Variants in STAMBP observed in about 807,000 individuals in gnomAD.
STAMBP encodes the protein STAM binding protein, also known as STAM-binding protein.
Under a neutral mutation model 50.7 loss-of-function variants are expected in STAMBP, and 31 were observed. The observed-to-expected ratio is 0.61, with a 90% CI of 0.46 to 0.83. The LOEUF (loss-of-function observed/expected upper bound fraction) is 0.83, where lower values mean the gene tolerates loss of function less well. STAMBP is among the 40% of genes least tolerant of loss of function. The pLI is 0.00. For missense variants in STAMBP, 472 were observed against 518.9 expected (o/e 0.91, Z 0.88); for synonymous variants, 211 against 192.4 (o/e 1.10, Z -0.80).
At position 73,862,342 on chromosome 2, in the gene STAMBP, TTGG is replaced by T; in HGVS notation, c.*84_*86del. 7.7e-7 allele frequency: 1 copy of T among 1,301,608 alleles called. No individual in the cohort carries two copies. Among genetic ancestry groups the T allele is most frequent in the Non-Finnish European group, 1.0e-6 (1 of 954,810 alleles). The allele number at this position is 1,301,608 out of a possible 1,614,324, so 80.6% of individuals were successfully genotyped here. A position where few individuals can be genotyped will look rare whatever the true frequency, so the allele number is the denominator to read the frequency against. ...CTTAATTTAAGCTTTCTAGAAAGCT[TTGG>T]AAGTTTTTGTAGATAGTAGAAAGGG... On this transcript the variant is annotated 3_prime_UTR_variant, in exon 10 of 10. Coordinates refer to ENST00000394070, the MANE Select transcript of STAMBP (RefSeq NM_213622.4).
chr2:73,858,407 G>T (rs1442364688), intron 7 of STAMBP, among the ~76,000 whole-genome samples: 1 of 151,972 alleles, frequency 6.6e-6, no homozygotes, highest in African/African-American at 2.4e-5. Context: ...CCAAAGTGCT[G>T]GGGGTTACGG....
intron 4 of STAMBP, among the ~76,000 whole-genome samples, chr2:73,846,382 C>T (rs1676056034): frequency 6.6e-6 from 1 of 151,904 alleles, no homozygotes; most frequent in African/African-American, 2.4e-5. Flanking sequence ...TGGGTGATCG[C>T]TTGAGCCCAG....
At chr2:73,849,001 AT>A (rs1458317527) in intron 5 of STAMBP, among the ~76,000 whole-genome samples, 2 of 152,214 alleles carry the variant, frequency 1.3e-5, no homozygotes, top group African/African-American at 4.8e-5. Context: ...ATCATGGAGA[AT>A]AGGGTATCCA....
In STAMBP at chr2:73,831,042, C is replaced by G. The variant is rs146522134; in HGVS notation, c.186C>G (p.Leu62=). 4.0e-5 allele frequency: 64 copies of G among 1,614,002 alleles called. No homozygotes were observed. Among genetic ancestry groups the G allele is most frequent in the Admixed American group, 2.8e-4 (17 of 60,010 alleles). The stretch of plus-strand genomic sequence containing the variant: ...GCAACATTGAACATGCCTTCATCCT[C>G]TATAACAAGTATATCACGTAAGACA... The part of the protein sequence containing the change: ...EEGNIEHAFI[L]YNKYITLFIE... Residue 62 remains leucine, a synonymous_variant, in exon 2 of 10, where the codon CTC becomes CTG. Coordinates refer to ENST00000394070, the MANE Select transcript of STAMBP (RefSeq NM_213622.4).
chr2:73,862,586 A>G lies in STAMBP; in HGVS notation c.*327A>G, dbSNP rs984887814. 1 of 171,540 alleles carries G rather than the reference A, an allele frequency of 5.8e-6. No individual in the cohort carries two copies. The highest frequency in any genetic ancestry group is 2.4e-5 in the African/African-American group (1 of 42,152). The allele number at this position is 171,540 out of a possible 1,614,324, so 10.6% of individuals were successfully genotyped here. On this transcript the variant is annotated 3_prime_UTR_variant, in exon 10 of 10. Transcript: ENST00000394070. ...CCTTCTGGATTCACCAATTGTTAAC[A>G]TTTTTTTCCTCTCAGCTATCCTTCT...
At chr2:73,868,124 CAAAA>C (rs11383453), downstream of STAMBP, among the ~76,000 whole-genome samples, 5 of 110,266 alleles carry the variant, frequency 4.5e-5, no homozygotes, top group African/African-American at 1.2e-4. Context: ...AACTCTGTCT[CAAAA>C]AAAAAAAAAA....
At chr2:73,844,927 C>T in intron 3 of STAMBP, 39 bp downstream of exon 3, 10 of 1,605,182 alleles carry the variant, frequency 6.2e-6, no homozygotes, top group Non-Finnish European at 8.5e-6. Context: ...CTAAAAGCTT[C>T]AGAGCAGCAC....
In STAMBP at chr2:73,862,299, A is replaced by G. The variant is rs762892223; in HGVS notation, c.*40A>G. ...CACCTTCCAAGAACAACAAAACCAT[A>G]TCAGTGTACTGTAGCCCCTTAATTT... On this transcript the variant is annotated 3_prime_UTR_variant, in exon 10 of 10. Coordinates refer to ENST00000394070, the MANE Select transcript of STAMBP (RefSeq NM_213622.4). 1 of 1,578,646 alleles carries G rather than the reference A, an allele frequency of 6.3e-7. No individual in the cohort carries two copies. The highest frequency in any genetic ancestry group is 8.6e-7 in the Non-Finnish European group (1 of 1,159,832).
downstream of STAMBP, among the ~76,000 whole-genome samples, chr2:73,867,407 G>A (rs187303340): frequency 2.7e-3 from 408 of 152,262 alleles, no homozygotes; most frequent in Non-Finnish European, 4.4e-3. Context: ...AGCCAGATGT[G>A]GTGGCACATG....
rs1357465741 is a variant in STAMBP, at chr2:73,864,615, A to G, written c.*2356A>G. 2 of 152,314 alleles carry G rather than the reference A, an allele frequency of 1.3e-5. No homozygotes were observed. The highest frequency in any genetic ancestry group is 2.9e-5 in the Non-Finnish European group (2 of 68,120). 9.4% of individuals were successfully genotyped at this position (152,314 alleles called of 1,614,324 possible). ...AAAGGGACAAAGACCACGCAACCTG[A>G]GGAAAGACATTGTATTGAAAGGGTA... On this transcript the variant is annotated 3_prime_UTR_variant, in exon 10 of 10. Coordinates refer to ENST00000394070, the MANE Select transcript of STAMBP (RefSeq NM_213622.4).
chr2:73,852,039 GT>G (rs1373014451), intron 7 of STAMBP, among the ~76,000 whole-genome samples: 2 of 152,110 alleles, frequency 1.3e-5, no homozygotes, highest in African/African-American at 2.4e-5. Flanking sequence ...ATTCCTAAAG[GT>G]TTTTGAGTAG....
At chr2:73,832,790 G>T (rs796755774) in intron 2 of STAMBP, among the ~76,000 whole-genome samples, 57 of 152,304 alleles carry the variant, frequency 3.7e-4, no homozygotes, top group African/African-American at 1.2e-3. Context: ...AATGTCACCA[G>T]ACATTATCTG....
Position 73,849,353 on chromosome 2 carries a change from T to C in STAMBP, c.743-10T>C, listed in dbSNP as rs765966634. On this transcript the variant is annotated splice_polypyrimidine_tract_variant and intron_variant, in intron 5 of 9. Transcript: ENST00000394070. ...AGTGGTCGCAGACTATTCTCCTTTC[T>C]CCTTTACAGTTCCCACAATCGATGG... 1.2e-6 allele frequency: 2 copies of C among 1,613,772 alleles called. No individual in the cohort carries two copies. Among genetic ancestry groups the C allele is most frequent in the South Asian group, 2.2e-5 (2 of 91,064 alleles).
rs1477427819 is a variant in STAMBP at position 73,847,444 on chromosome 2, G to C, written c.433G>C (p.Glu145Gln). ...NMAIQQELEK[E>Q]KQRVAQQKQQ... ...GGCCATCCAGCAAGAGCTGGAAAAG[G>C]AAAAACAGAGGGTAGCACAACAGAA... is the stretch of plus-strand genomic sequence containing the variant. Residue 145 changes from glutamate to glutamine, a missense_variant, in exon 5 of 10, where the codon GAA (glutamate) becomes CAA (glutamine). Coordinates refer to ENST00000394070, the MANE Select transcript of STAMBP (RefSeq NM_213622.4). The C allele has an allele frequency of 5.0e-6, 8 of 1,613,872 alleles. No individual in the cohort carries two copies. The highest frequency in any genetic ancestry group is 6.8e-6 in the Non-Finnish European group (8 of 1,179,850).
chr2:73,872,090 A>C (rs72917422), downstream of STAMBP, among the ~76,000 whole-genome samples: 8,757 of 152,254 alleles, frequency 0.058, 328 homozygotes, highest in African/African-American at 0.09. Flanking sequence ...AGAACTTTTT[A>C]GTTCAACAGT....
At chr2:73,844,792 C>A in intron 2 of STAMBP, 21 bp from the exon 3 acceptor site, 1 of 1,600,466 alleles carries the variant, frequency 6.2e-7, no homozygotes, top group South Asian at 1.1e-5. Flanking sequence ...GCTTCATAAT[C>A]ATTTTGAACT....
At position 73,832,084 on chromosome 2, in the gene STAMBP, C is replaced by CATATAT. The variant is rs67469518; in HGVS notation, c.203+1045_203+1050dup. 5.0e-3 allele frequency among the ~76,000 whole-genome samples: 592 copies of CATATAT among 118,492 alleles called. 7 individuals carry two copies. Among genetic ancestry groups the CATATAT allele is most frequent in the Middle Eastern group, 8.2e-3 (2 of 244 alleles). 77.7% of individuals were successfully genotyped at this position (118,492 alleles called of 152,430 possible). A position where few individuals can be genotyped will look rare whatever the true frequency, so the allele number is the denominator to read the frequency against. The stretch of plus-strand genomic sequence containing the variant: ...TTACTACTGATTTTTGAGTAGGTAA[C>CATATAT]ATATATATATATATATATATATATA... On this transcript the variant is annotated intron_variant, in intron 2 of 9. Coordinates refer to ENST00000394070, the MANE Select transcript of STAMBP (RefSeq NM_213622.4).
chr2:73,847,843 C>A, intron 5 of STAMBP, 90 bp downstream of exon 5: 1 of 1,478,788 alleles, frequency 6.8e-7, no homozygotes, highest in Non-Finnish European at 9.1e-7. Flanking sequence ...CCTCCCTGAT[C>A]CCACTCATTA....
At chr2:73,859,174 C>G in intron 7 of STAMBP, 80 bp from the exon 8 acceptor site, 1 of 1,132,502 alleles carries the variant, frequency 8.8e-7, no homozygotes, top group Non-Finnish European at 1.3e-6. Context: ...TAGCTTTAAA[C>G]CTCAGAAAGG....
Sources: allele counts gnomAD v4.1 joint callset (sites outside exome capture counted in the v4.1 genomes callset), GRCh38; gene constraint gnomAD v4.1.1; transcripts MANE v1.5; gene names NCBI Gene and HGNC (gene_info 2026-07-23, HGNC 2026-07-21).